Variants in DAB1 observed in about 807,000 individuals in gnomAD.
DAB1 encodes disabled homolog 1.
DAB1 carries 15 observed loss-of-function variants against 64.6 expected under a neutral mutation model. The ratio of observed to expected loss-of-function variants is 0.23; its 90% confidence interval spans 0.16 to 0.36. The LOEUF is 0.36. Among genes scored for constraint, DAB1 ranks in the 10% least tolerant of loss-of-function variants. DAB1 has a pLI of 1.00. For synonymous variants in DAB1, 235 were observed against 251.9 expected, an observed-to-expected ratio of 0.93 and a Z score of 0.64; for missense variants, 596 against 706.7, an observed-to-expected ratio of 0.84 and a Z score of 1.78.
intron 4 of DAB1, among the ~76,000 whole-genome samples, chr1:58,186,408 T>C (rs185332004): frequency 6.7e-4 from 102 of 152,358 alleles, no homozygotes; most frequent in Non-Finnish European, 1.2e-3. Flanking sequence ...TATTGTCATC[T>C]GCAACCAAGA....
At chr1:57,434,051 G>A (rs1235375785) in intron 7 of DAB1, among the ~76,000 whole-genome samples, 1 of 151,980 alleles carries the variant, frequency 6.6e-6, no homozygotes, top group Non-Finnish European at 1.5e-5. Flanking sequence ...AGTATAAAAT[G>A]GTATCACCTT....
chr1:58,025,893 C>T (rs1646888086), intron 5 of DAB1, among the ~76,000 whole-genome samples: 1 of 151,840 alleles, frequency 6.6e-6, no homozygotes, highest in Non-Finnish European at 1.5e-5. Flanking sequence ...AATCCAACTC[C>T]CCAGTGAGCG....
chr1:58,069,123 A>G (rs1194120087), intron 5 of DAB1, among the ~76,000 whole-genome samples: 1 of 152,232 alleles, frequency 6.6e-6, no homozygotes, highest in Admixed American at 6.5e-5. Flanking sequence ...TCCACAGTAC[A>G]TAATACACAG....
In DAB1 at chr1:57,321,402, A is replaced by G. The variant is rs1053381788; in HGVS notation, c.-136-30236T>C. On this transcript the variant is annotated intron_variant, in intron 1 of 14. Coordinates refer to ENST00000371236, the MANE Select transcript of DAB1 (RefSeq NM_001365792.1). Reference sequence around the variant, plus strand: ...TCTCTCTGCAGTCACTACCTTGAGAATCTTACCAACCCAGTGGCATCAACT... The same window carrying G: ...TCTCTCTGCAGTCACTACCTTGAGAGTCTTACCAACCCAGTGGCATCAACT... Among the ~76,000 whole-genome samples the G allele has an allele frequency of 2.0e-5, 3 of 152,254 alleles. No homozygotes were observed. In the East Asian group the frequency reaches 5.8e-4, roughly 29 times the overall value.
chr1:57,281,541 T>G (rs1275245194), intron 2 of DAB1, among the ~76,000 whole-genome samples: 4 of 152,106 alleles, frequency 2.6e-5, no homozygotes, highest in Non-Finnish European at 5.9e-5. Context: ...GGAATGCGCC[T>G]GGACAGATAA....
chr1:58,034,514 G>A (rs986722589), intron 5 of DAB1, among the ~76,000 whole-genome samples: 1 of 152,208 alleles, frequency 6.6e-6, no homozygotes, highest in African/African-American at 2.4e-5. Context: ...AACTTGCTGT[G>A]CAATAATAGA....
intron 3 of DAB1, among the ~76,000 whole-genome samples, chr1:58,486,929 T>G (rs1272916747): frequency 6.6e-6 from 1 of 152,194 alleles, no homozygotes; most frequent in Non-Finnish European, 1.5e-5. Context: ...GTTGGAGAGC[T>G]AGGCAGTGGC....
At chr1:57,447,776 T>C (rs1317560153) in intron 7 of DAB1, among the ~76,000 whole-genome samples, 3 of 152,134 alleles carry the variant, frequency 2.0e-5, no homozygotes, top group South Asian at 2.1e-4. Flanking sequence ...CAAGATCCCC[T>C]CACCCATCAG....
intron 2 of DAB1, among the ~76,000 whole-genome samples, chr1:57,266,658 C>T (rs146176982): frequency 1.3e-5 from 2 of 152,202 alleles, no homozygotes; most frequent in East Asian, 3.9e-4. Context: ...ATTTAATATC[C>T]TCAGGGTCTG....
chr1:57,458,479 G>GA lies in DAB1; in HGVS notation n.626-167314dup, dbSNP rs200562655. On this transcript the variant is annotated intron_variant and non_coding_transcript_variant, in intron 7 of 20. Transcript: ENST00000485760. ...ATGCCATTCAGGTACTCCTATTTGA[G>GA]AAAAAAAAAAAATCGTGAATGAGTA... Among the ~76,000 whole-genome samples, 531 of 140,302 alleles carry GA rather than the reference G, an allele frequency of 3.8e-3. 2 individuals carry two copies. Among genetic ancestry groups the GA allele is most frequent in the African/African-American group, 8.7e-3 (339 of 38,790 alleles). 92.0% of individuals were successfully genotyped at this position (140,302 alleles called of 152,430 possible). A position where few individuals can be genotyped will look rare whatever the true frequency, so the allele number is the denominator to read the frequency against.
intron 2 of DAB1, among the ~76,000 whole-genome samples, chr1:57,212,803 CCTGT>C (rs1666130065): frequency 6.6e-6 from 1 of 152,028 alleles, no homozygotes; most frequent in African/African-American, 2.4e-5. Context: ...AAATAGGTGC[CCTGT>C]CTTTCTCAAG....
intron 1 of DAB1, among the ~76,000 whole-genome samples, chr1:57,836,319 T>C (rs1264059755): frequency 6.6e-6 from 1 of 152,250 alleles, no homozygotes; most frequent in African/African-American, 2.4e-5. Flanking sequence ...AAGTGTTCCA[T>C]GCCTATATAG....
At chr1:57,796,986 C>T (rs954151157) in intron 6 of DAB1, among the ~76,000 whole-genome samples, 2 of 152,194 alleles carry the variant, frequency 1.3e-5, no homozygotes, top group Non-Finnish European at 2.9e-5. Context: ...CTCTCTGCTT[C>T]ACAACATTAT....
At chr1:58,471,475 G>A (rs1482191139) in intron 3 of DAB1, among the ~76,000 whole-genome samples, 1 of 152,110 alleles carries the variant, frequency 6.6e-6, no homozygotes, top group Non-Finnish European at 1.5e-5. Flanking sequence ...TCTCGGGCAG[G>A]GAATACTGCC....
At chr1:57,462,244 G>A (rs1686809653) in intron 7 of DAB1, among the ~76,000 whole-genome samples, 1 of 152,106 alleles carries the variant, frequency 6.6e-6, no homozygotes, top group East Asian at 1.9e-4. Context: ...CCACTGCACC[G>A]GCCAGATATA....
intron 6 of DAB1, among the ~76,000 whole-genome samples, chr1:57,783,674 A>T (rs1272348521): frequency 6.6e-6 from 1 of 152,132 alleles, no homozygotes; most frequent in Non-Finnish European, 1.5e-5. Context: ...TTTCAACAGT[A>T]TGTGGTCACT....
chr1:58,172,295 C>A (rs933893065), intron 4 of DAB1, among the ~76,000 whole-genome samples: 2 of 152,204 alleles, frequency 1.3e-5, no homozygotes, highest in African/African-American at 4.8e-5. Flanking sequence ...CAGTGGCATA[C>A]CTAAGTAAGG....
At chr1:57,568,669 T>C (rs1447585381) in intron 7 of DAB1, among the ~76,000 whole-genome samples, 2 of 151,766 alleles carry the variant, frequency 1.3e-5, no homozygotes, top group Non-Finnish European at 2.9e-5. Flanking sequence ...AACAGACACA[T>C]GAAAAAAATG....
intron 5 of DAB1, among the ~76,000 whole-genome samples, chr1:57,934,968 C>A (rs562670438): frequency 1.3e-5 from 2 of 152,288 alleles, no homozygotes; most frequent in South Asian, 4.1e-4. Context: ...TAAGGCAAGC[C>A]ATTTCTGGCT....
Sources: allele counts gnomAD v4.1 joint callset (sites outside exome capture counted in the v4.1 genomes callset), GRCh38; gene constraint gnomAD v4.1.1; transcripts MANE v1.5; gene names NCBI Gene and HGNC (gene_info 2026-07-23, HGNC 2026-07-21).